The following AEBP2 variants were observed in gnomAD, a reference collection of about 807,000 sequenced individuals.
AEBP2 encodes the protein AE binding protein 2.
In AEBP2, 10 loss-of-function variants were observed where a neutral mutation model predicts 50.8. The observed-to-expected ratio is 0.20, with a 90% confidence interval of 0.12 to 0.33. The LOEUF (loss-of-function observed/expected upper bound fraction) is 0.33, where lower values mean the gene tolerates loss of function less well. Among genes scored for constraint, AEBP2 ranks in the 10% least tolerant of loss-of-function variants. The pLI is 1.00. For synonymous variants in AEBP2, 296 were observed against 261.3 expected (o/e 1.13, Z -1.28); for missense variants, 570 against 688.0 (o/e 0.83, Z 1.92).
At chr12:19,504,359 C>T (rs985355862) in intron 5 of AEBP2, among the ~76,000 whole-genome samples, 2 of 148,088 alleles carry the variant, frequency 1.4e-5, no homozygotes, top group Admixed American at 6.8e-5. Context: ...CTCAGCCTCC[C>T]GAGTAGCTGG....
upstream of AEBP2, among the ~76,000 whole-genome samples, chr12:19,434,600 G>A (rs560853300): frequency 1.3e-5 from 2 of 152,352 alleles, no homozygotes; most frequent in South Asian, 2.1e-4. Context: ...GTTTATGAAT[G>A]GGTACTGAGC....
chr12:19,515,632 G>A (rs1386150713), intron 7 of AEBP2, among the ~76,000 whole-genome samples: 2 of 152,126 alleles, frequency 1.3e-5, no homozygotes, highest in Non-Finnish European at 2.9e-5. Context: ...CTATCATAAA[G>A]ATAGCAAATT....
At chr12:19,412,865 G>A (rs904899320) in intron 1 of AEBP2, among the ~76,000 whole-genome samples, 5 of 152,204 alleles carry the variant, frequency 3.3e-5, no homozygotes, top group African/African-American at 7.2e-5. Flanking sequence ...GGGAGGCTCT[G>A]GGTGCCTCCC....
chr12:19,502,750 G>A (rs1020562010), intron 5 of AEBP2, among the ~76,000 whole-genome samples: 8 of 151,840 alleles, frequency 5.3e-5, no homozygotes, highest in African/African-American at 1.9e-4. Flanking sequence ...CTGGGTTCAA[G>A]CGATTCTTGT....
chr12:19,458,152 C>G (rs1315493187), intron 1 of AEBP2, among the ~76,000 whole-genome samples: 1 of 152,186 alleles, frequency 6.6e-6, no homozygotes, highest in East Asian at 1.9e-4. Context: ...AAATTGCTAT[C>G]TAGCTCAGGG....
At chr12:19,456,597 A>T in intron 1 of AEBP2, 14 of 1,532,300 alleles carry the variant, frequency 9.1e-6, no homozygotes, top group Non-Finnish European at 1.3e-5. Flanking sequence ...AAGGTTCAGG[A>T]TAATCACCTG....
chr12:19,468,702 C>G (rs1267196907), intron 2 of AEBP2, among the ~76,000 whole-genome samples: 1 of 152,138 alleles, frequency 6.6e-6, no homozygotes, highest in East Asian at 1.9e-4. Context: ...AGGATATTGA[C>G]CAAAGTGAAG....
At chr12:19,433,826 A>G (rs542868930) in intron 1 of AEBP2, among the ~76,000 whole-genome samples, 11 of 151,828 alleles carry the variant, frequency 7.2e-5, no homozygotes, top group Non-Finnish European at 7.4e-5. Context: ...TATAAACTCT[A>G]GTTTTTAAAT....
At chr12:19,457,999 G>T (rs1565712511) in intron 1 of AEBP2, among the ~76,000 whole-genome samples, 1 of 152,186 alleles carries the variant, frequency 6.6e-6, no homozygotes. Context: ...CACATTTCAT[G>T]AAATCAGTAG....
chr12:19,410,801 G>T (rs865316), intron 1 of AEBP2, among the ~76,000 whole-genome samples: 123,515 of 152,136 alleles, frequency 0.81, 50,460 homozygotes, highest in African/African-American at 0.9. Flanking sequence ...CTAAGAATTC[G>T]GGAGCAGGAA....
At chr12:19,503,799 C>T (rs913904617) in intron 5 of AEBP2, among the ~76,000 whole-genome samples, 11 of 151,806 alleles carry the variant, frequency 7.2e-5, no homozygotes, top group Admixed American at 2.0e-4. Flanking sequence ...GTCGAGATTA[C>T]AGGTGAGCCA....
intron 1 of AEBP2, among the ~76,000 whole-genome samples, chr12:19,453,462 C>T (rs1337977218): frequency 6.6e-6 from 1 of 150,586 alleles, no homozygotes; most frequent in African/African-American, 2.4e-5. Context: ...CTCTTTTGCT[C>T]AGGCTGGAGT....
intron 3 of AEBP2, among the ~76,000 whole-genome samples, chr12:19,479,401 C>T (rs946275344): frequency 7.2e-5 from 11 of 152,134 alleles, no homozygotes; most frequent in African/African-American, 2.7e-4. Context: ...GAAAACTTCC[C>T]TGGCCTTGCT....
At chr12:19,491,463 T>C (rs1162777797) in intron 3 of AEBP2, among the ~76,000 whole-genome samples, 3 of 152,208 alleles carry the variant, frequency 2.0e-5, no homozygotes, top group African/African-American at 7.2e-5. Context: ...GCGGAACATA[T>C]AGAAGCTCTT....
intron 1 of AEBP2, among the ~76,000 whole-genome samples, chr12:19,418,748 C>T (rs1024175181): frequency 2.0e-5 from 3 of 152,104 alleles, no homozygotes; most frequent in Non-Finnish European, 2.9e-5. Flanking sequence ...GTGGTCAGGA[C>T]CTCTTGGCAC....
rs529444740 is a variant in AEBP2 at position 19,512,516 on chromosome 12, G to T, written c.1367+51G>T. The T allele has an allele frequency of 9.4e-6, 11 of 1,166,168 alleles. No individual in the cohort carries two copies. The African/African-American group carries it at 1.7e-4, about 18-fold the overall frequency. 72.2% of individuals were successfully genotyped at this position (1,166,168 alleles called of 1,614,324 possible). A position where few individuals can be genotyped will look rare whatever the true frequency, so the allele number is the denominator to read the frequency against. ...AGTAATAAGTTCATGTTTTATTTTT[G>T]TTAAAATCTTACACACAAAAATTAT... On this transcript the variant is annotated intron_variant, in intron 6 of 7. Coordinates refer to ENST00000266508, the MANE Select transcript of AEBP2 (RefSeq NM_153207.5).
intron 1 of AEBP2, among the ~76,000 whole-genome samples, chr12:19,448,508 A>G (rs1948113481): frequency 6.6e-6 from 1 of 151,852 alleles, no homozygotes; most frequent in Admixed American, 6.6e-5. Context: ...AGTAAAGATC[A>G]GGTCTCATAT....
chr12:19,404,570 C>T (rs2095735075), intron 1 of AEBP2, among the ~76,000 whole-genome samples: 1 of 152,146 alleles, frequency 6.6e-6, no homozygotes, highest in African/African-American at 2.4e-5. Context: ...TCTGTCTTTC[C>T]AAGTGGGAGA....
chr12:19,504,812 A>G (rs1016866880), intron 5 of AEBP2, among the ~76,000 whole-genome samples: 2 of 152,216 alleles, frequency 1.3e-5, no homozygotes, highest in Non-Finnish European at 2.9e-5. Flanking sequence ...AAATGGAGCA[A>G]TAGGTATCAG....
Sources: gnomAD v4.1 joint callset for allele counts (sites outside exome capture counted in the v4.1 genomes callset) on GRCh38, gnomAD v4.1.1 for gene constraint, MANE v1.5 for transcripts, NCBI Gene and HGNC (gene_info 2026-07-23, HGNC 2026-07-21) for gene names.